The following KDM2B variants were observed in gnomAD, a reference collection of about 807,000 sequenced individuals.
KDM2B encodes lysine demethylase 2B.
In KDM2B, 26 loss-of-function variants were observed where a neutral mutation model predicts 150.0. The observed-to-expected ratio is 0.17, with a 90% CI of 0.13 to 0.24. KDM2B has a LOEUF of 0.24. Ranked by LOEUF, KDM2B falls within the 10% of genes least tolerant of loss-of-function variation. The pLI is 1.00. For missense variants in KDM2B, 1,265 were observed against 1,816.9 expected (o/e 0.70, Z 5.52); for synonymous variants, 734 against 729.5 (o/e 1.01, Z -0.10).
chr12:121,560,309 C>A (rs1890245987), intron 4 of KDM2B, among the ~76,000 whole-genome samples: 1 of 152,178 alleles, frequency 6.6e-6, no homozygotes, highest in Non-Finnish European at 1.5e-5. Flanking sequence ...CCAGCCTGGA[C>A]TGACCCATTT....
chr12:121,445,714 TAG>T (rs1876039255), intron 13 of KDM2B, among the ~76,000 whole-genome samples: 1 of 152,152 alleles, frequency 6.6e-6, no homozygotes, highest in Admixed American at 6.5e-5. Context: ...CAGAGCATGT[TAG>T]AGACAGAGAC....
chr12:121,539,645 C>A (rs547426818), intron 6 of KDM2B, among the ~76,000 whole-genome samples: 154 of 152,156 alleles, frequency 1.0e-3, no homozygotes, highest in African/African-American at 3.6e-3. Flanking sequence ...GCCCCAGAAG[C>A]ACTTGGTTTG....
At position 121,443,799 on chromosome 12, in the gene KDM2B, G is replaced by C. The variant is rs782784127; in HGVS notation, c.2452-6C>G. ...GACGTTTGAAGCGATGAGGCCTAAAGGGGGGTGGAGTGGGAAGAGGAGTGA... is the reference window on the plus strand; with the variant it reads ...GACGTTTGAAGCGATGAGGCCTAAACGGGGGTGGAGTGGGAAGAGGAGTGA... On this transcript the variant is annotated splice_region_variant and splice_polypyrimidine_tract_variant and intron_variant, in intron 16 of 22. Coordinates refer to ENST00000377071, the MANE Select transcript of KDM2B (RefSeq NM_032590.5). 1 of 1,544,930 alleles carries C rather than the reference G, an allele frequency of 6.5e-7. No individual in the cohort carries two copies. Among genetic ancestry groups the C allele is most frequent in the South Asian group, 1.2e-5 (1 of 86,864 alleles).
rs114534385 is a variant in KDM2B at position 121,568,121 on chromosome 12, A to G, written c.397+6426T>C. ...TACACCTGACAATTAATAAGAGCCA[A>G]CCCTTTGAAATAATGGAGAAAAGAC... On this transcript the variant is annotated intron_variant, in intron 4 of 22. Transcript: ENST00000377071. 5.1e-3 allele frequency among the ~76,000 whole-genome samples: 777 copies of G among 152,208 alleles called. 8 individuals carry two copies. The highest frequency in any genetic ancestry group is 0.018 in the African/African-American group (742 of 41,540).
chr12:121,467,460 C>T lies in KDM2B; in HGVS notation c.1735-14116G>A, dbSNP rs1431067252. The T allele has an allele frequency of 1.5e-6, 1 of 658,722 alleles. No homozygotes were observed. The highest frequency in any genetic ancestry group is 1.9e-6 in the Non-Finnish European group (1 of 534,012). The allele number at this position is 658,722 out of a possible 1,614,324, so 40.8% of individuals were successfully genotyped here. ...GGCGAGCCAGGAAGGGGCTGGCCCC[C>T]CGGGCGGGCGGGCCAATGGCGCGGC... On this transcript the variant is annotated intron_variant, in intron 12 of 22. Transcript: ENST00000377071. This position sits in a 1 kb window ranked among gnomAD's most constrained non-coding sequence, Gnocchi z 5.1.
chr12:121,423,617 C>T, the KDM2B span: 3 of 1,554,302 alleles, frequency 1.9e-6, no homozygotes, highest in Admixed American at 1.7e-5. The surrounding 1 kb of genome is among the most constrained non-coding windows in gnomAD (Gnocchi z 4.3). Flanking sequence ...CCAAACTTGA[C>T]CCCCAACATT....
chr12:121,426,571 C>T (rs1413487841), downstream of KDM2B, among the ~76,000 whole-genome samples: 1 of 151,452 alleles, frequency 6.6e-6, no homozygotes, highest in African/African-American at 2.4e-5. Flanking sequence ...TCAGCCTCCC[C>T]AGGAGCTGGC....
At chr12:121,492,097 G>A (rs1315803487) in intron 12 of KDM2B, among the ~76,000 whole-genome samples, 2 of 152,052 alleles carry the variant, frequency 1.3e-5, no homozygotes, top group African/African-American at 2.4e-5. Context: ...GGCAGAGGTT[G>A]CAGTGACCTA....
intron 8 of KDM2B, among the ~76,000 whole-genome samples, chr12:121,526,863 C>T (rs1476293600): frequency 6.6e-6 from 1 of 151,998 alleles, no homozygotes; most frequent in Middle Eastern, 3.2e-3. Flanking sequence ...AAAACCACGT[C>T]TCTACTAAAA....
Position 121,443,740 on chromosome 12 carries a change from G to T in KDM2B, c.2505C>A (p.Pro835=), listed in dbSNP as rs782550011. ...PGSSSHLSPR[P]PLGSSLSPWW... The stretch of plus-strand genomic sequence containing the variant: ...AGGGGCTGAGGCTGCTGCCTAGAGG[G>T]GGCCTCGGCGAGAGGTGAGAGGAGG... The change falls in exon 17 of 23, where the codon CCC becomes CCA. Residue 835 remains proline, a synonymous_variant. Transcript: ENST00000377071. 1 of 1,611,326 alleles carries T rather than the reference G, an allele frequency of 6.2e-7. No homozygotes were observed. Among genetic ancestry groups the T allele is most frequent in the East Asian group, 2.2e-5 (1 of 44,882 alleles).
Position 121,575,432 on chromosome 12 carries a change from T to C in KDM2B, c.350+349A>G, listed in dbSNP as rs1891436435. Among the ~76,000 whole-genome samples, 1 of 152,222 alleles carries C rather than the reference T, an allele frequency of 6.6e-6. No individual in the cohort carries two copies. The highest frequency in any genetic ancestry group is 2.1e-4 in the South Asian group (1 of 4,828). On this transcript the variant is annotated intron_variant, in intron 3 of 22. Transcript: ENST00000377071. The surrounding 1 kb of genome is among the most constrained non-coding windows in gnomAD (Gnocchi z 4.4). ...GGGCTTAGAGGCTGGCTAGTCTCTTTGCAGCTCAGGCTCTGCCTCAGTCTC... is the reference window on the plus strand; with the variant it reads ...GGGCTTAGAGGCTGGCTAGTCTCTTCGCAGCTCAGGCTCTGCCTCAGTCTC...
intron 4 of KDM2B, among the ~76,000 whole-genome samples, chr12:121,571,299 C>CT (rs1165700546): frequency 5.3e-5 from 8 of 151,578 alleles, no homozygotes; most frequent in Non-Finnish European, 1.0e-4. Flanking sequence ...TGTGCCTTTT[C>CT]TTTTTTTGGG....
chr12:121,408,978 C>G, the KDM2B span, among the ~76,000 whole-genome samples: 5 of 146,542 alleles, frequency 3.4e-5, no homozygotes, highest in South Asian at 2.1e-4. Flanking sequence ...GTGACCCTTT[C>G]TTTTTTTTTT....
At chr12:121,532,541 T>C (rs1887746839) in intron 8 of KDM2B, among the ~76,000 whole-genome samples, 1 of 152,194 alleles carries the variant, frequency 6.6e-6, no homozygotes, top group East Asian at 1.9e-4. Context: ...CCACAGGAAG[T>C]CCTGCACAGG....
In KDM2B at chr12:121,520,403, T is replaced by C. The variant is rs1886585761; in HGVS notation, c.1047+582A>G. The stretch of plus-strand genomic sequence containing the variant: ...GAGGGAAACTTGACGTCTGGGAAAC[T>C]AGCACCGTCCCTGTCAAGGGCAGAG... On this transcript the variant is annotated intron_variant, in intron 9 of 22. Transcript: ENST00000377071. This position sits in a 1 kb window ranked among gnomAD's most constrained non-coding sequence, Gnocchi z 4.5. Among the ~76,000 whole-genome samples the C allele has an allele frequency of 6.6e-6, 1 of 152,082 alleles. No homozygotes were observed. The highest frequency in any genetic ancestry group is 1.9e-4 in the East Asian group (1 of 5,180).
At position 121,518,557 on chromosome 12, in the gene KDM2B, T is replaced by G. The variant is rs1886423363; in HGVS notation, c.1047+2428A>C. On this transcript the variant is annotated intron_variant, in intron 9 of 22. Coordinates refer to ENST00000377071, the MANE Select transcript of KDM2B (RefSeq NM_032590.5). This position sits in a 1 kb window ranked among gnomAD's most constrained non-coding sequence, Gnocchi z 4.4. ...TGCCATTCTCAACGAGGACGTGATA[T>G]TCCACGTAAGCTCAGTGTGATGCTC... Among the ~76,000 whole-genome samples the G allele has an allele frequency of 6.6e-6, 1 of 152,088 alleles. No individual in the cohort carries two copies.
chr12:121,440,143 C>T, intron 21 of KDM2B, 68 bp from the exon 22 acceptor site: 1 of 1,247,020 alleles, frequency 8.0e-7, no homozygotes, highest in African/African-American at 1.5e-5. Flanking sequence ...GCTGACATGA[C>T]ACTCTAAAAG....
At chr12:121,566,967 C>T (rs781870048) in intron 4 of KDM2B, among the ~76,000 whole-genome samples, 7 of 151,884 alleles carry the variant, frequency 4.6e-5, no homozygotes, top group Non-Finnish European at 1.0e-4. Flanking sequence ...CTGCAACCTC[C>T]GCCTCCCAGG....
intron 22 of KDM2B, among the ~76,000 whole-genome samples, chr12:121,432,027 C>T (rs998117815): frequency 2.6e-5 from 4 of 151,684 alleles, no homozygotes; most frequent in Middle Eastern, 6.8e-3. Flanking sequence ...ATTACAGGTG[C>T]CGGCCACCAC....
Sources: gnomAD v4.1 joint callset for allele counts (sites outside exome capture counted in the v4.1 genomes callset) on GRCh38, gnomAD v4.1.1 for gene constraint, Gnocchi (gnomAD v3.1) non-coding constraint, MANE v1.5 for transcripts, NCBI Gene and HGNC (gene_info 2026-07-23, HGNC 2026-07-21) for gene names.